Variants in CEP192 observed in about 807,000 individuals in gnomAD.
CEP192 encodes the protein centrosomal protein 192, also known as centrosomal protein of 192 kDa.
Under a neutral mutation model 271.8 loss-of-function variants are expected in CEP192, and 151 were observed. That is an observed-to-expected ratio of 0.56 (90% CI 0.49 to 0.64). The LOEUF is 0.64. Ranked by LOEUF, CEP192 falls within the 30% of genes least tolerant of loss-of-function variation. CEP192 has a pLI of 0.00. For synonymous variants in CEP192, 995 were observed against 1,076.5 expected, an observed-to-expected ratio of 0.92 and a Z score of 1.48; for missense variants, 2,910 against 3,020.5, an observed-to-expected ratio of 0.96 and a Z score of 0.86.
At chr18:13,071,347 A>C in intron 28 of CEP192, 135 bp downstream of exon 28, 1 of 687,474 alleles carries the variant, frequency 1.5e-6, no homozygotes. Flanking sequence ...AAAAACCTAG[A>C]TGGGCACGTG....
intron 1 of CEP192, among the ~76,000 whole-genome samples, chr18:12,997,809 C>G (rs2033353866): frequency 6.6e-6 from 1 of 152,174 alleles, no homozygotes; most frequent in South Asian, 2.1e-4. Flanking sequence ...ACTGCAACCT[C>G]CACCTCGCAG....
chr18:13,113,110 C>T (rs2145065651), intron 40 of CEP192, among the ~76,000 whole-genome samples: 1 of 152,302 alleles, frequency 6.6e-6, no homozygotes, highest in Non-Finnish European at 1.5e-5. Context: ...CACTGTGGAG[C>T]GTCTGGCGCT....
chr18:13,067,393 T>A (rs964001754), intron 21 of CEP192, among the ~76,000 whole-genome samples: 5 of 152,158 alleles, frequency 3.3e-5, no homozygotes, highest in African/African-American at 1.2e-4. Flanking sequence ...GAGTCTGTCA[T>A]GATCATAGGC....
chr18:13,056,321 C>T lies in CEP192; in HGVS notation c.3731C>T (p.Pro1244Leu), dbSNP rs1193113137. Residue 1244 changes from proline to leucine, a missense_variant, in exon 19 of 45, where the codon CCT becomes CTT. By Grantham distance (98) the Pro-to-Leu change is moderately conservative. Transcript: ENST00000506447. Reference protein sequence around the residue: ...HSSVADMQNMPAAVHALLTQP... With the variant: ...HSSVADMQNMLAAVHALLTQP... ...TCTGTGGCTGACATGCAGAACATGC[C>T]TGCTGCTGTGCACGCACTCTTGACA... 2.5e-6 allele frequency: 4 copies of T among 1,614,200 alleles called. No homozygotes were observed. The highest frequency in any genetic ancestry group is 3.4e-6 in the Non-Finnish European group (4 of 1,180,012).
chr18:13,072,947 A>G, intron 29 of CEP192, 62 bp from the exon 30 acceptor site: 1 of 1,550,200 alleles, frequency 6.5e-7, no homozygotes, highest in Non-Finnish European at 8.9e-7. Context: ...AATCTGTGTT[A>G]ATGGTATGTT....
chr18:13,083,487 G>A (rs749772398), intron 30 of CEP192, among the ~76,000 whole-genome samples: 1 of 152,156 alleles, frequency 6.6e-6, no homozygotes, highest in Non-Finnish European at 1.5e-5. Flanking sequence ...GGTCTTCTCT[G>A]TGATGTTTAT....
chr18:13,003,268 G>T (rs35563947), intron 3 of CEP192, among the ~76,000 whole-genome samples: 1 of 151,554 alleles, frequency 6.6e-6, no homozygotes, highest in African/African-American at 2.4e-5. Flanking sequence ...GGCCAACATG[G>T]TGAAATCCCA....
intron 4 of CEP192, 62 bp from the exon 5 acceptor site, chr18:13,012,911 C>T (rs1039786830): frequency 7.3e-6 from 6 of 824,170 alleles, no homozygotes; most frequent in African/African-American, 1.7e-5. Context: ...TTTTAGGTAT[C>T]GTTGGGTATT....
intron 21 of CEP192, among the ~76,000 whole-genome samples, chr18:13,065,950 C>T (rs1332536582): frequency 6.6e-6 from 1 of 152,114 alleles, no homozygotes; most frequent in Non-Finnish European, 1.5e-5. Context: ...CTTGAATGGC[C>T]TAGTTAGTAA....
chr18:12,991,632 C>A lies in CEP192; in HGVS notation c.-5+195C>A, dbSNP rs193151274. 1.9e-3 allele frequency among the ~76,000 whole-genome samples: 297 copies of A among 152,400 alleles called. 1 individual carries two copies. Among genetic ancestry groups the A allele is most frequent in the African/African-American group, 6.6e-3 (275 of 41,602 alleles). ...CGCGCCTCTGCGCCTGGCGCAGCCT[C>A]TGAGCTGAGCTCCGCCTGGTTGGGA... is the stretch of plus-strand genomic sequence containing the variant. On this transcript the variant is annotated intron_variant, in intron 1 of 44. Transcript: ENST00000506447.
At chr18:13,000,091 C>CTTT (rs775544715) in intron 2 of CEP192, among the ~76,000 whole-genome samples, 255 of 76,584 alleles carry the variant, frequency 3.3e-3, no homozygotes, top group African/African-American at 3.9e-3. Flanking sequence ...TGTCTTCTCT[C>CTTT]TTTTTTTTTT....
intron 9 of CEP192, 59 bp from the exon 10 acceptor site, chr18:13,029,604 G>T: frequency 9.5e-7 from 1 of 1,048,416 alleles, no homozygotes; most frequent in Non-Finnish European, 1.3e-6. Flanking sequence ...TTTAAAATAA[G>T]TTATAAAAAA....
At chr18:13,040,788 G>A in intron 13 of CEP192, 42 bp from the exon 14 acceptor site, 4 of 1,495,716 alleles carry the variant, frequency 2.7e-6, no homozygotes, top group Non-Finnish European at 3.6e-6. Context: ...TCTCAAAGCA[G>A]TTGAAAATCA....
chr18:13,040,620 T>G (rs2036150194), intron 13 of CEP192, among the ~76,000 whole-genome samples: 1 of 152,214 alleles, frequency 6.6e-6, no homozygotes, highest in Admixed American at 6.5e-5. Flanking sequence ...TTTGACAATG[T>G]GAGTTCTAAT....
At chr18:13,082,344 CTT>C (rs1250104722) in intron 30 of CEP192, among the ~76,000 whole-genome samples, 2 of 148,646 alleles carry the variant, frequency 1.3e-5, no homozygotes, top group Non-Finnish European at 3.0e-5. Context: ...GAATTGATCT[CTT>C]ATGATTATAT....
At chr18:13,044,773 T>C (rs1247185098) in intron 15 of CEP192, among the ~76,000 whole-genome samples, 1 of 152,196 alleles carries the variant, frequency 6.6e-6, no homozygotes, top group East Asian at 1.9e-4. Flanking sequence ...AATGTTCTTG[T>C]CTGGTTTTGG....
intron 9 of CEP192, among the ~76,000 whole-genome samples, chr18:13,021,385 T>A (rs866343406): frequency 1.3e-5 from 2 of 152,226 alleles, no homozygotes; most frequent in Admixed American, 6.5e-5. Flanking sequence ...TCTTTCTCCA[T>A]TGAATGGTCT....
At chr18:13,098,742 G>T (rs1245049563) in intron 36 of CEP192, among the ~76,000 whole-genome samples, 1 of 152,056 alleles carries the variant, frequency 6.6e-6, no homozygotes, top group Admixed American at 6.5e-5. Flanking sequence ...ATGATGGGCG[G>T]CCAGGCAGAG....
intron 30 of CEP192, among the ~76,000 whole-genome samples, chr18:13,079,587 G>C (rs188290371): frequency 6.6e-6 from 1 of 152,222 alleles, no homozygotes; most frequent in East Asian, 1.9e-4. Flanking sequence ...TCTGTAGGTT[G>C]CCTGTTCACT....
Sources: gnomAD v4.1 joint callset for allele counts (sites outside exome capture counted in the v4.1 genomes callset) on GRCh38, gnomAD v4.1.1 for gene constraint, MANE v1.5 for transcripts, NCBI Gene and HGNC (gene_info 2026-07-23, HGNC 2026-07-21) for gene names.